ASS1: variants seen among roughly 807,000 people sequenced by gnomAD.
The protein encoded by ASS1 is argininosuccinate synthase 1, also known as argininosuccinate synthase.
ASS1 carries 58 observed loss-of-function variants against 60.5 expected under a neutral mutation model. The observed-to-expected ratio is 0.96, with a 90% CI of 0.78 to 1.19. ASS1 has a LOEUF of 1.19. Among genes scored for constraint, ASS1 ranks in the 50% most tolerant of loss-of-function variants. ASS1 has a pLI of 0.00. For missense variants in ASS1, 454 were observed against 547.3 expected (o/e 0.83, Z 1.70); for synonymous variants, 200 against 206.9 (o/e 0.97, Z 0.29).
rs746549187 is a variant in ASS1, at chr9:130,494,886, G to A, written c.990G>A (p.Glu330=). 1.2e-6 allele frequency: 2 copies of A among 1,613,462 alleles called. No individual in the cohort carries two copies. The change falls in exon 13 of 15, where the codon GAG becomes GAA. Residue 330 remains glutamate, a synonymous_variant. Transcript: ENST00000352480. The surrounding 1 kb of genome is among the most constrained non-coding windows in gnomAD (Gnocchi z 4.3). ...LVYTGFWHSP[E]CEFVRHCIAK... Reference sequence around the variant, plus strand: ...CTGTAGGTTTCTGGCACAGCCCTGAGTGTGAATTTGTCCGCCACTGCATCG... The same window carrying A: ...CTGTAGGTTTCTGGCACAGCCCTGAATGTGAATTTGTCCGCCACTGCATCG...
In ASS1 at chr9:130,489,778, C is replaced by T. The variant is rs1429821280; in HGVS notation, c.970+314C>T. Among the ~76,000 whole-genome samples, 1 of 152,244 alleles carries T rather than the reference C, an allele frequency of 6.6e-6. No homozygotes were observed. The highest frequency in any genetic ancestry group is 2.4e-5 in the African/African-American group (1 of 41,468). On this transcript the variant is annotated intron_variant, in intron 12 of 14. Coordinates refer to ENST00000352480, the MANE Select transcript of ASS1 (RefSeq NM_054012.4). The surrounding 1 kb of genome is among the most constrained non-coding windows in gnomAD (Gnocchi z 4.1). Reference sequence around the variant, plus strand: ...GACTGCAGCAATGCCAGGCACTGGGCACTGTGCGGCGACATGCATCACCCC... The same window carrying T: ...GACTGCAGCAATGCCAGGCACTGGGTACTGTGCGGCGACATGCATCACCCC...
intron 6 of ASS1, among the ~76,000 whole-genome samples, chr9:130,468,555 A>C (rs1204043238): frequency 1.3e-5 from 2 of 151,998 alleles, no homozygotes; most frequent in South Asian, 2.1e-4. Flanking sequence ...GGAACTACAA[A>C]CGTGCCCTAG....
rs1846355446 is a variant in ASS1 at position 130,488,235 on chromosome 9, A to T, written c.839-1098A>T. Among the ~76,000 whole-genome samples, 1 of 151,948 alleles carries T rather than the reference A, an allele frequency of 6.6e-6. No individual in the cohort carries two copies. The highest frequency in any genetic ancestry group is 1.5e-5 in the Non-Finnish European group (1 of 67,956). Reference sequence around the variant, plus strand: ...GTTTTTTTCAAGCAGCCACTGTAGAAAGATGTTAGTAAATTCCCAGGATAA... The same window carrying T: ...GTTTTTTTCAAGCAGCCACTGTAGATAGATGTTAGTAAATTCCCAGGATAA... On this transcript the variant is annotated intron_variant, in intron 11 of 14. Coordinates refer to ENST00000352480, the MANE Select transcript of ASS1 (RefSeq NM_054012.4). This position sits in a 1 kb window ranked among gnomAD's most constrained non-coding sequence, Gnocchi z 5.2.
chr9:130,470,839 C>T lies in ASS1; in HGVS notation c.501C>T (p.His167=), dbSNP rs10901072. The T allele has an allele frequency of 0.12, 197,122 of 1,613,678 alleles. 12,619 individuals carry two copies. Among genetic ancestry groups the T allele is most frequent in the Non-Finnish European group, 0.12 (147,107 of 1,179,710 alleles). The change falls in exon 7 of 15, where the codon CAC becomes CAT. Residue 167 remains histidine (H), a synonymous_variant. Coordinates refer to ENST00000352480, the MANE Select transcript of ASS1 (RefSeq NM_054012.4). The surrounding 1 kb of genome is among the most constrained non-coding windows in gnomAD (Gnocchi z 4.3). ...GTGCTGTCTCTTTCCTGCAGCAACACGGGATTCCCATCCCGGTCACTCCCA... is the reference window on the plus strand; with the variant it reads ...GTGCTGTCTCTTTCCTGCAGCAACATGGGATTCCCATCCCGGTCACTCCCA... ...RNDLMEYAKQ[H]GIPIPVTPKN...
rs1846048077 is a variant in ASS1, at chr9:130,477,418, G to A, written c.688+457G>A. ...GCGAGCTGGCCTCATGGACCCCTGG[G>A]ACCCCACATGGAAAGCCTTCGCCAG... is the stretch of plus-strand genomic sequence containing the variant. On this transcript the variant is annotated intron_variant, in intron 9 of 14. Coordinates refer to ENST00000352480, the MANE Select transcript of ASS1 (RefSeq NM_054012.4). This position sits in a 1 kb window ranked among gnomAD's most constrained non-coding sequence, Gnocchi z 4.2. Among the ~76,000 whole-genome samples the A allele has an allele frequency of 6.6e-6, 1 of 152,264 alleles. No individual in the cohort carries two copies. Among genetic ancestry groups the A allele is most frequent in the South Asian group, 2.1e-4 (1 of 4,828 alleles).
chr9:130,477,649 G>T lies in ASS1; in HGVS notation c.688+688G>T, dbSNP rs368147073. 2.6e-5 allele frequency among the ~76,000 whole-genome samples: 4 copies of T among 152,350 alleles called. No homozygotes were observed. Among genetic ancestry groups the T allele is most frequent in the South Asian group, 4.1e-4 (2 of 4,832 alleles). ...CTTGGCCTGGAGGAAGGATGGAGAA[G>T]CGAGGCATGCCCGCCTGGGCTCAGA... On this transcript the variant is annotated intron_variant, in intron 9 of 14. Transcript: ENST00000352480. This position sits in a 1 kb window ranked among gnomAD's most constrained non-coding sequence, Gnocchi z 4.2.
At chr9:130,500,463 T>C (rs750377175) in intron 14 of ASS1, among the ~76,000 whole-genome samples, 1 of 152,116 alleles carries the variant, frequency 6.6e-6, no homozygotes, top group Non-Finnish European at 1.5e-5. Context: ...TAGAAGAAGA[T>C]GCAAGTCAGT....
At position 130,494,084 on chromosome 9, in the gene ASS1, G is replaced by C. The variant is rs1025783707; in HGVS notation, c.971-783G>C. 6.6e-6 allele frequency among the ~76,000 whole-genome samples: 1 copy of C among 152,224 alleles called. No homozygotes were observed. Among genetic ancestry groups the C allele is most frequent in the African/African-American group, 2.4e-5 (1 of 41,448 alleles). On this transcript the variant is annotated intron_variant, in intron 12 of 14. Coordinates refer to ENST00000352480, the MANE Select transcript of ASS1 (RefSeq NM_054012.4). This position sits in a 1 kb window ranked among gnomAD's most constrained non-coding sequence, Gnocchi z 4.3. ...TGAGCCTCCCTTCCTCACCCAGAAAGGGGAGAGGCTAAGAGAGTTTCTCTC... is the reference window on the plus strand; with the variant it reads ...TGAGCCTCCCTTCCTCACCCAGAAACGGGAGAGGCTAAGAGAGTTTCTCTC...
intron 11 of ASS1, among the ~76,000 whole-genome samples, chr9:130,482,673 A>T (rs1846201532): frequency 6.6e-6 from 1 of 152,184 alleles, no homozygotes; most frequent in African/African-American, 2.4e-5. Flanking sequence ...GTGGAATGGT[A>T]GCTGACAGCA....
rs532972280 is a variant in ASS1, at chr9:130,493,816, C to T, written c.971-1051C>T. On this transcript the variant is annotated intron_variant, in intron 12 of 14. Coordinates refer to ENST00000352480, the MANE Select transcript of ASS1 (RefSeq NM_054012.4). The stretch of plus-strand genomic sequence containing the variant: ...CCATCAGCAGAGGCTAGAGAGAGGC[C>T]GGGGGCAGACTGGGGTCTGAGCGCT... Among the ~76,000 whole-genome samples, 157 of 152,290 alleles carry T rather than the reference C, an allele frequency of 1.0e-3. 1 individual carries two copies. Among genetic ancestry groups the T allele is most frequent in the African/African-American group, 3.7e-3 (152 of 41,568 alleles).
chr9:130,471,904 G>A (rs975813082), intron 8 of ASS1, among the ~76,000 whole-genome samples: 1 of 152,346 alleles, frequency 6.6e-6, no homozygotes, highest in African/African-American at 2.4e-5. Context: ...TGGTTGTGGG[G>A]GGTGGGGGGA....
intron 5 of ASS1, among the ~76,000 whole-genome samples, chr9:130,465,272 G>A (rs964449672): frequency 6.6e-6 from 1 of 151,748 alleles, no homozygotes; most frequent in Non-Finnish European, 1.5e-5. Context: ...GCCCGCCTTG[G>A]GCTCCCAAAG....
chr9:130,458,229 G>T (rs1001317629), intron 3 of ASS1, among the ~76,000 whole-genome samples, 172 bp from the exon 4 acceptor site: 2 of 152,120 alleles, frequency 1.3e-5, no homozygotes, highest in Admixed American at 1.3e-4. Context: ...GAGTAACAGT[G>T]CAGTGTGCTG....
intron 1 of ASS1, among the ~76,000 whole-genome samples, chr9:130,446,630 T>A (rs1258219666): frequency 6.6e-6 from 1 of 152,174 alleles, no homozygotes; most frequent in Non-Finnish European, 1.5e-5. Context: ...CATTCCTGAG[T>A]GCTTGGGAAG....
In ASS1 at chr9:130,470,766, C is replaced by T; in HGVS notation, c.496-68C>T. 1 of 1,469,692 alleles carries T rather than the reference C, an allele frequency of 6.8e-7. No homozygotes were observed. The highest frequency in any genetic ancestry group is 9.5e-7 in the Non-Finnish European group (1 of 1,049,810). 91.0% of individuals were successfully genotyped at this position (1,469,692 alleles called of 1,614,324 possible). A position where few individuals can be genotyped will look rare whatever the true frequency, so the allele number is the denominator to read the frequency against. ...TTTGGGGCTCTCTGAAAAAGCAGGG[C>T]CCCTGGGACGGACCTCACGCGTCCT... is the stretch of plus-strand genomic sequence containing the variant. On this transcript the variant is annotated intron_variant, in intron 6 of 14. Transcript: ENST00000352480. The surrounding 1 kb of genome is among the most constrained non-coding windows in gnomAD (Gnocchi z 4.3).
At chr9:130,454,567 A>G (rs563870734) in intron 3 of ASS1, among the ~76,000 whole-genome samples, 194 bp downstream of exon 3, 2 of 151,642 alleles carry the variant, frequency 1.3e-5, no homozygotes, top group African/African-American at 4.8e-5. Flanking sequence ...CCACCCACCC[A>G]CCTTCCCATC....
In ASS1 at chr9:130,480,398, G is replaced by T; in HGVS notation, c.787G>T (p.Val263Leu). 1 of 1,614,204 alleles carries T rather than the reference G, an allele frequency of 6.2e-7. No homozygotes were observed. The highest frequency in any genetic ancestry group is 8.5e-7 in the Non-Finnish European group (1 of 1,180,040). The stretch of plus-strand genomic sequence containing the variant: ...TTCTTCCCACAGGGGCAAGCATGGC[G>T]TGGGCCGTATTGACATCGTGGAGAA... Reference protein sequence around the residue: ...YLNEVAGKHGVGRIDIVENRF... With the variant: ...YLNEVAGKHGLGRIDIVENRF... The change falls in exon 11 of 15, where the codon GTG becomes TTG. Residue 263 changes from valine to leucine, a missense_variant. Physicochemically the swap from Val to Leu is conservative, Grantham distance 32. Coordinates refer to ENST00000352480, the MANE Select transcript of ASS1 (RefSeq NM_054012.4).
intron 4 of ASS1, among the ~76,000 whole-genome samples, chr9:130,461,854 A>T (rs1332876133): frequency 6.6e-6 from 1 of 152,072 alleles, no homozygotes; most frequent in East Asian, 1.9e-4. Context: ...ATCACGGGGG[A>T]CGGGCCAGGT....
In ASS1 at chr9:130,500,997, C is replaced by A. The variant is rs1278858341; in HGVS notation, c.1215C>A (p.Leu405=). 6.2e-7 allele frequency: 1 copy of A among 1,613,628 alleles called. No individual in the cohort carries two copies. Among genetic ancestry groups the A allele is most frequent in the Non-Finnish European group, 8.5e-7 (1 of 1,179,946 alleles). The part of the protein sequence containing the change: ...NSLRLKEYHR[L]QSKVTAK The stretch of plus-strand genomic sequence containing the variant: ...ACAGGCTGAAGGAATATCATCGTCT[C>A]CAGAGCAAGGTCACTGCCAAATAGA... Residue 405 remains leucine (L), a synonymous_variant, in exon 15 of 15, where the codon CTC becomes CTA. Coordinates refer to ENST00000352480, the MANE Select transcript of ASS1 (RefSeq NM_054012.4).
Sources: allele counts gnomAD v4.1 joint callset (sites outside exome capture counted in the v4.1 genomes callset), GRCh38; gene constraint gnomAD v4.1.1; non-coding constraint Gnocchi (gnomAD v3.1); transcripts MANE v1.5; gene names NCBI Gene and HGNC (gene_info 2026-07-23, HGNC 2026-07-21).